The following GALNT13 variants were observed in gnomAD, a reference collection of about 807,000 sequenced individuals.
The protein encoded by GALNT13 is UDP-GalNAc:polypeptide N-acetylgalactosaminyltransferase 13.
In GALNT13, 28 loss-of-function variants were observed where a neutral mutation model predicts 64.2. The observed-to-expected ratio is 0.44, with a 90% confidence interval of 0.32 to 0.60. The LOEUF is 0.60. Ranked by LOEUF, GALNT13 falls within the 20% of genes least tolerant of loss-of-function variation. The pLI is 0.05. For synonymous variants in GALNT13, 214 were observed against 224.6 expected, an observed-to-expected ratio of 0.95 and a Z score of 0.42; for missense variants, 577 against 669.8, an observed-to-expected ratio of 0.86 and a Z score of 1.53.
the GALNT13 span, among the ~76,000 whole-genome samples, chr2:153,572,762 C>T: frequency 6.6e-6 from 1 of 151,914 alleles, no homozygotes; most frequent in Non-Finnish European, 1.5e-5. Flanking sequence ...CAAAATTCCT[C>T]CTGTTATTAA....
At chr2:153,233,459 A>G in the GALNT13 span, among the ~76,000 whole-genome samples, 3 of 149,342 alleles carry the variant, frequency 2.0e-5, no homozygotes, top group Non-Finnish European at 4.5e-5. Flanking sequence ...CTTTAGAGCT[A>G]TTCTCAATAT....
intron 9 of GALNT13, among the ~76,000 whole-genome samples, chr2:154,325,848 A>T (rs1694849726): frequency 6.6e-6 from 1 of 152,140 alleles, no homozygotes; most frequent in Non-Finnish European, 1.5e-5. Flanking sequence ...TATAGAGATC[A>T]GCTGTGAGGG....
rs370418167 is a variant in GALNT13 at position 153,958,033 on chromosome 2, G to A, written c.142+13394G>A. 5.9e-4 allele frequency among the ~76,000 whole-genome samples: 90 copies of A among 152,252 alleles called. 2 individuals are homozygous for A. The South Asian group carries it at 0.014, about 24-fold the overall frequency. Reference sequence around the variant, plus strand: ...GTACTCTAAGTATTCCCTCACTTCCGTTAGGTATCTCCTGCAATGGACACA... The same window carrying A: ...GTACTCTAAGTATTCCCTCACTTCCATTAGGTATCTCCTGCAATGGACACA... On this transcript the variant is annotated intron_variant, in intron 3 of 12. Transcript: ENST00000392825.
the GALNT13 span, among the ~76,000 whole-genome samples, chr2:153,396,669 A>G: frequency 6.6e-6 from 1 of 152,124 alleles, no homozygotes; most frequent in Non-Finnish European, 1.5e-5. Flanking sequence ...AGTGACTTGT[A>G]CAAGAGTCAC....
chr2:153,872,267 C>T lies in GALNT13; in HGVS notation c.-213C>T, dbSNP rs1025141528. On this transcript the variant is annotated 5_prime_UTR_variant, in exon 1 of 13. Coordinates refer to ENST00000392825, the MANE Select transcript of GALNT13 (RefSeq NM_052917.4). ...AGGCTGAATCCCGTGTGTGGACCGC[C>T]GTTCCCTCTTCGCGGGATCGTTGGC... 8 of 152,002 alleles carry T rather than the reference C, an allele frequency of 5.3e-5. No homozygotes were observed. The highest frequency in any genetic ancestry group is 1.4e-4 in the African/African-American group (6 of 41,410). 9.4% of individuals were successfully genotyped at this position (152,002 alleles called of 1,614,324 possible). A position where few individuals can be genotyped will look rare whatever the true frequency, so the allele number is the denominator to read the frequency against.
the GALNT13 span, among the ~76,000 whole-genome samples, chr2:153,793,503 T>A: frequency 6.6e-6 from 1 of 152,110 alleles, no homozygotes. Context: ...AACCCACAGC[T>A]CCTCAAATGA....
the GALNT13 span, among the ~76,000 whole-genome samples, chr2:153,543,790 A>G: frequency 6.6e-6 from 1 of 152,228 alleles, no homozygotes; most frequent in Non-Finnish European, 1.5e-5. Context: ...CCTGAGGGGT[A>G]TTACATTATT....
At chr2:154,225,148 C>CAGATAGATAGATGAT (rs1688535425) in intron 4 of GALNT13, among the ~76,000 whole-genome samples, 1 of 66,044 alleles carries the variant, frequency 1.5e-5, no homozygotes, top group Admixed American at 1.6e-4. Flanking sequence ...AGATAGATGA[C>CAGATAGATAGATGAT]AGATAGATAG....
At chr2:154,011,753 G>T (rs539131098) in intron 3 of GALNT13, among the ~76,000 whole-genome samples, 14 of 152,078 alleles carry the variant, frequency 9.2e-5, no homozygotes, top group African/African-American at 3.1e-4. Flanking sequence ...ATACTCCTGT[G>T]TTGGGTGCAT....
the GALNT13 span, among the ~76,000 whole-genome samples, chr2:153,160,441 A>AT: frequency 5.3e-4 from 80 of 151,606 alleles, no homozygotes; most frequent in East Asian, 2.3e-3. Flanking sequence ...CTCAACAAAC[A>AT]TTTTTTTTTC....
At chr2:153,537,799 T>G in the GALNT13 span, among the ~76,000 whole-genome samples, 2 of 152,142 alleles carry the variant, frequency 1.3e-5, no homozygotes, top group African/African-American at 4.8e-5. Flanking sequence ...GAAGAAGACA[T>G]GTTTGCTTAC....
At chr2:153,956,282 C>T (rs1692564112) in intron 3 of GALNT13, among the ~76,000 whole-genome samples, 1 of 152,128 alleles carries the variant, frequency 6.6e-6, no homozygotes, top group Non-Finnish European at 1.5e-5. Context: ...ACATGAATCT[C>T]AGAAGCTTTC....
the GALNT13 span, among the ~76,000 whole-genome samples, chr2:153,528,787 A>G: frequency 2.6e-5 from 4 of 152,040 alleles, no homozygotes; most frequent in Non-Finnish European, 5.9e-5. Context: ...AACTATGCAA[A>G]TACAAGGAAA....
intron 1 of GALNT13, among the ~76,000 whole-genome samples, chr2:153,874,423 G>T (rs1686215223): frequency 6.6e-6 from 1 of 151,836 alleles, no homozygotes; most frequent in South Asian, 2.1e-4. Context: ...TTAAGTAGGG[G>T]CACTGTGTCT....
At chr2:154,355,616 A>C (rs1243403501) in intron 9 of GALNT13, among the ~76,000 whole-genome samples, 1 of 152,070 alleles carries the variant, frequency 6.6e-6, no homozygotes, top group Non-Finnish European at 1.5e-5. Flanking sequence ...TAAGTCATTC[A>C]TTATCATTAC....
At chr2:153,433,983 C>G in the GALNT13 span, among the ~76,000 whole-genome samples, 1 of 152,036 alleles carries the variant, frequency 6.6e-6, no homozygotes, top group East Asian at 1.9e-4. Context: ...TCCCTGCTCC[C>G]CCCACCCCAC....
chr2:153,931,066 AGTGTGTGT>A lies in GALNT13; in HGVS notation c.-104-13297_-104-13290del, dbSNP rs59409947. On this transcript the variant is annotated intron_variant, in intron 2 of 12. Coordinates refer to ENST00000392825, the MANE Select transcript of GALNT13 (RefSeq NM_052917.4). ...GGGTAGCTGTATTGCTGTATTCCTAAGTGTGTGTGTGTGTGTGTGTGTGTGTGTGTGTG... is the reference window on the plus strand; with the variant it reads ...GGGTAGCTGTATTGCTGTATTCCTAAGTGTGTGTGTGTGTGTGTGTGTGTG... Among the ~76,000 whole-genome samples, 85 of 138,278 alleles carry A rather than the reference AGTGTGTGT, an allele frequency of 6.1e-4. No homozygotes were observed. In the Middle Eastern group the frequency reaches 0.011, roughly 17 times the overall value. The allele number at this position is 138,278 out of a possible 152,430, so 90.7% of individuals were successfully genotyped here. A position where few individuals can be genotyped will look rare whatever the true frequency, so the allele number is the denominator to read the frequency against.
At chr2:153,188,398 G>A in the GALNT13 span, among the ~76,000 whole-genome samples, 1 of 131,508 alleles carries the variant, frequency 7.6e-6, no homozygotes, top group Non-Finnish European at 1.7e-5. Flanking sequence ...AATAATAATG[G>A]CATGAAACCA....
rs143179907 is a variant in GALNT13 at position 154,110,008 on chromosome 2, A to G, written c.143-30329A>G. On this transcript the variant is annotated intron_variant, in intron 3 of 12. Transcript: ENST00000392825. ...TCTTAAAAAGAGTTTGGATGTGTTCATTTCTTTTCAATTTTTTTGGAAGAG... is the reference window on the plus strand; with the variant it reads ...TCTTAAAAAGAGTTTGGATGTGTTCGTTTCTTTTCAATTTTTTTGGAAGAG... Among the ~76,000 whole-genome samples the G allele has an allele frequency of 3.9e-3, 586 of 151,906 alleles. 7 individuals are homozygous for G. Among genetic ancestry groups the G allele is most frequent in the African/African-American group, 0.014 (564 of 41,454 alleles).
Sources: gnomAD v4.1 joint callset for allele counts (sites outside exome capture counted in the v4.1 genomes callset) on GRCh38, gnomAD v4.1.1 for gene constraint, MANE v1.5 for transcripts, NCBI Gene and HGNC (gene_info 2026-07-23, HGNC 2026-07-21) for gene names.